PPFIA2: variants seen among roughly 807,000 people sequenced by gnomAD.
PPFIA2 encodes liprin-alpha-2.
Under a neutral mutation model 175.5 loss-of-function variants are expected in PPFIA2, and 46 were observed. The ratio of observed to expected loss-of-function variants is 0.26; its 90% confidence interval spans 0.21 to 0.34. The LOEUF is 0.34. Ranked by LOEUF, PPFIA2 falls within the 10% of genes least tolerant of loss-of-function variation. The pLI is 1.00. For missense variants in PPFIA2, 1,179 were observed against 1,506.1 expected (o/e 0.78, Z 3.60); for synonymous variants, 568 against 511.4 (o/e 1.11, Z -1.49).
intron 4 of PPFIA2, among the ~76,000 whole-genome samples, chr12:81,459,631 T>C (rs556426563): frequency 1.3e-5 from 2 of 151,282 alleles, no homozygotes; most frequent in Non-Finnish European, 2.9e-5. Context: ...AGAGAAAATA[T>C]AAACCTGTAA....
At chr12:81,632,422 G>A (rs1164722606) in intron 4 of PPFIA2, among the ~76,000 whole-genome samples, 1 of 151,898 alleles carries the variant, frequency 6.6e-6, no homozygotes, top group Non-Finnish European at 1.5e-5. Flanking sequence ...TATATATGTT[G>A]TAGATATTGA....
intron 30 of PPFIA2, among the ~76,000 whole-genome samples, chr12:81,264,130 T>C (rs957070996): frequency 1.3e-5 from 2 of 152,166 alleles, no homozygotes; most frequent in African/African-American, 4.8e-5. Context: ...CAGTAGACTT[T>C]TTCTCTAGTT....
intron 8 of PPFIA2, among the ~76,000 whole-genome samples, chr12:81,404,391 G>T (rs185480519): frequency 6.6e-6 from 1 of 152,102 alleles, no homozygotes; most frequent in African/African-American, 2.4e-5. Context: ...TCTGAGGAGA[G>T]GTATACTACT....
intron 4 of PPFIA2, among the ~76,000 whole-genome samples, chr12:81,462,570 G>GTATATATATATACATATATA (rs1374654839): frequency 4.0e-5 from 3 of 74,178 alleles, no homozygotes; most frequent in East Asian, 8.3e-4. Flanking sequence ...ATATATATGT[G>GTATATATATATACATATATA]TATATATATA....
intron 32 of PPFIA2, 31 bp from the exon 33 acceptor site, chr12:81,259,691 C>T (rs546490090): frequency 7.8e-6 from 12 of 1,530,198 alleles, no homozygotes; most frequent in Admixed American, 3.9e-5. Flanking sequence ...CATTAGTTCA[C>T]TGAAAAGTCC....
intron 4 of PPFIA2, among the ~76,000 whole-genome samples, chr12:81,643,810 C>T (rs1179379550): frequency 6.6e-6 from 1 of 151,880 alleles, no homozygotes; most frequent in African/African-American, 2.4e-5. Context: ...TTGAGGTCTT[C>T]AAGTAGTAAG....
intron 4 of PPFIA2, among the ~76,000 whole-genome samples, chr12:81,471,704 T>C (rs904930822): frequency 3.9e-5 from 6 of 152,188 alleles, no homozygotes; most frequent in Non-Finnish European, 1.5e-5. Flanking sequence ...ATTTTTAATT[T>C]TTTTGTGAAA....
intron 4 of PPFIA2, among the ~76,000 whole-genome samples, chr12:81,467,457 G>A (rs2055886815): frequency 6.6e-6 from 1 of 152,194 alleles, no homozygotes; most frequent in African/African-American, 2.4e-5. Context: ...GGGAGGCCAA[G>A]GCGAGCGGAT....
intron 22 of PPFIA2, among the ~76,000 whole-genome samples, chr12:81,325,051 C>T (rs551680837): frequency 7.3e-4 from 111 of 151,662 alleles, no homozygotes; most frequent in African/African-American, 2.5e-3. Context: ...ATGTGAAAAC[C>T]AAAAACACAA....
rs1453042685 is a variant in PPFIA2 at position 81,353,315 on chromosome 12, A to C, written c.1798T>G (p.Trp600Gly). The C allele has an allele frequency of 1.2e-6, 2 of 1,613,100 alleles. No homozygotes were observed. The highest frequency in any genetic ancestry group is 1.3e-5 in the African/African-American group (1 of 74,860). The change falls in exon 17 of 33, where the codon TGG becomes GGG. Residue 600 changes from tryptophan (W) to glycine (G), a missense_variant. By Grantham distance (184) the Trp-to-Gly change is radical (BLOSUM62 -2). Around this residue, in one of 10 missense-constraint regions of PPFIA2, gnomAD observed 186 missense variants for 163.6 expected, o/e 1.14. Coordinates refer to ENST00000549396, the MANE Select transcript of PPFIA2 (RefSeq NM_003625.5). ...ACTCCAATCTGTTGAGTTCTATTCC[A>C]CTCGTGATCCCCAAGAGATTTCACC... ...PKVKSLGDHE[W>G]NRTQQIGVLS...
At chr12:81,633,775 T>C (rs986332835) in intron 4 of PPFIA2, among the ~76,000 whole-genome samples, 5 of 152,076 alleles carry the variant, frequency 3.3e-5, no homozygotes, top group Non-Finnish European at 7.3e-5. Context: ...AGTATAAAAT[T>C]AGCCATAATT....
Position 81,405,898 on chromosome 12 carries a change from A to C in PPFIA2, c.651T>G (p.Val217=). ...EELAAANQEI[V]ALREQNVHIQ... ...TATGAACATTTTGTTCACGCAAGGC[A>C]ACAATCTGCAAAATAAAAGCACTAT... The change falls in exon 8 of 33, where the codon GTT becomes GTG. Residue 217 remains valine, a synonymous_variant. Coordinates refer to ENST00000549396, the MANE Select transcript of PPFIA2 (RefSeq NM_003625.5). 5.2e-6 allele frequency: 8 copies of C among 1,550,436 alleles called. No individual in the cohort carries two copies. Among genetic ancestry groups the C allele is most frequent in the Non-Finnish European group, 7.0e-6 (8 of 1,143,384 alleles).
chr12:81,461,912 T>C (rs1350361929), intron 4 of PPFIA2, among the ~76,000 whole-genome samples: 1 of 151,966 alleles, frequency 6.6e-6, no homozygotes, highest in Non-Finnish European at 1.5e-5. Flanking sequence ...TGTGTTCGTC[T>C]CCTCCACCTA....
chr12:81,290,695 G>A (rs2044694237), intron 24 of PPFIA2, among the ~76,000 whole-genome samples: 1 of 151,692 alleles, frequency 6.6e-6, no homozygotes, highest in South Asian at 2.1e-4. Context: ...TGTAAATTAA[G>A]CAAGGAGATA....
At chr12:81,454,027 A>G (rs1291104583) in intron 5 of PPFIA2, among the ~76,000 whole-genome samples, 1 of 152,174 alleles carries the variant, frequency 6.6e-6, no homozygotes, top group Admixed American at 6.5e-5. Context: ...AGACAAGTCC[A>G]GGCAACATGG....
intron 4 of PPFIA2, among the ~76,000 whole-genome samples, chr12:81,664,612 T>C (rs1427151570): frequency 6.6e-6 from 1 of 152,094 alleles, no homozygotes; most frequent in African/African-American, 2.4e-5. Context: ...GTTCAACCAT[T>C]GTGGAAGTCA....
chr12:81,573,450 T>C (rs577940545), intron 4 of PPFIA2, among the ~76,000 whole-genome samples: 1 of 152,072 alleles, frequency 6.6e-6, no homozygotes, highest in Non-Finnish European at 1.5e-5. Flanking sequence ...AAAATGTTTA[T>C]AGACATCCAT....
intron 4 of PPFIA2, among the ~76,000 whole-genome samples, chr12:81,492,872 T>C (rs1395381014): frequency 2.0e-5 from 3 of 152,058 alleles, no homozygotes; most frequent in Non-Finnish European, 2.9e-5. Flanking sequence ...ATGAGAGGAC[T>C]ATTGAAAGAA....
chr12:81,755,763 A>G (rs1052155309), intron 2 of PPFIA2, among the ~76,000 whole-genome samples: 8 of 152,148 alleles, frequency 5.3e-5, no homozygotes, highest in South Asian at 2.1e-4. Context: ...CTCATTGCTC[A>G]TAACACTGAG....
Sources: gnomAD v4.1 joint callset for allele counts (sites outside exome capture counted in the v4.1 genomes callset) on GRCh38, gnomAD v4.1.1 for gene constraint, gnomAD v4.1.1 regional missense constraint, MANE v1.5 for transcripts, NCBI Gene and HGNC (gene_info 2026-07-23, HGNC 2026-07-21) for gene names.